Variants in BTBD9 observed in about 807,000 individuals in gnomAD.
BTBD9 encodes the protein BTB domain containing 9.
A neutral mutation model predicts 64.3 loss-of-function variants in BTBD9; 49 were observed. The ratio of observed to expected loss-of-function variants is 0.76; its 90% CI spans 0.61 to 0.97. The LOEUF (loss-of-function observed/expected upper bound fraction) is 0.97. Among genes scored for constraint, BTBD9 ranks in the 50% least tolerant of loss-of-function variants. BTBD9 has a pLI of 0.00. For missense variants in BTBD9, 598 were observed against 762.1 expected, an observed-to-expected ratio of 0.78 and a Z score of 2.53; for synonymous variants, 260 against 274.7, an observed-to-expected ratio of 0.95 and a Z score of 0.53.
intron 8 of BTBD9, among the ~76,000 whole-genome samples, chr6:38,259,215 T>A (rs911138738): frequency 6.6e-6 from 1 of 152,232 alleles, no homozygotes; most frequent in African/African-American, 2.4e-5. Flanking sequence ...AGTTTACATA[T>A]CTGGTTCACA....
At chr6:38,267,770 C>T (rs1258403932) in intron 8 of BTBD9, among the ~76,000 whole-genome samples, 1 of 152,138 alleles carries the variant, frequency 6.6e-6, no homozygotes, top group Non-Finnish European at 1.5e-5. Context: ...GAAACCCCGT[C>T]TCTACTAAAA....
intron 6 of BTBD9, among the ~76,000 whole-genome samples, chr6:38,456,709 G>C (rs754647228): frequency 1.3e-4 from 20 of 152,094 alleles, no homozygotes; most frequent in Non-Finnish European, 1.5e-4. Flanking sequence ...TGGGTTGTCT[G>C]TTTAGTTACT....
chr6:38,254,132 T>C (rs1283252575), intron 9 of BTBD9, among the ~76,000 whole-genome samples: 1 of 151,334 alleles, frequency 6.6e-6, no homozygotes, highest in Non-Finnish European at 1.5e-5. Context: ...TAAATGTGGC[T>C]GATGCTGAGG....
intron 1 of BTBD9, among the ~76,000 whole-genome samples, chr6:38,636,651 TC>T (rs1403654454): frequency 6.6e-6 from 1 of 152,164 alleles, no homozygotes; most frequent in Non-Finnish European, 1.5e-5. Context: ...CACTCTAGTC[TC>T]CCTGCCTCTC....
chr6:38,446,292 T>C lies in BTBD9; in HGVS notation c.1155-101199A>G, dbSNP rs1582443912. On this transcript the variant is annotated intron_variant, in intron 6 of 10. Transcript: ENST00000481247. ...TTCTGCCATGTAGCATAGGTAATCA[T>C]AATTAAACAACTAGTTTTTTTTTTT... Among the ~76,000 whole-genome samples, 4 of 152,032 alleles carry C rather than the reference T, an allele frequency of 2.6e-5. No homozygotes were observed. The East Asian group carries it at 5.8e-4, about 22-fold the overall frequency.
intron 1 of BTBD9, among the ~76,000 whole-genome samples, chr6:38,611,341 A>C (rs890583451): frequency 2.6e-5 from 4 of 152,200 alleles, no homozygotes; most frequent in African/African-American, 9.6e-5. Flanking sequence ...TCCTTCTTTT[A>C]TAACAAGAAT....
intron 7 of BTBD9, among the ~76,000 whole-genome samples, chr6:38,327,042 T>C (rs895871301): frequency 2.0e-5 from 3 of 152,184 alleles, no homozygotes; most frequent in Non-Finnish European, 2.9e-5. Context: ...CCAAGGACCA[T>C]TTCCTGTCAT....
At chr6:38,297,367 GA>G (rs1016194673) in intron 7 of BTBD9, among the ~76,000 whole-genome samples, 12 of 149,494 alleles carry the variant, frequency 8.0e-5, no homozygotes, top group South Asian at 2.1e-4. Flanking sequence ...CTGACTTGAA[GA>G]AAAAAAAAAT....
intron 6 of BTBD9, among the ~76,000 whole-genome samples, chr6:38,484,347 C>T (rs148821691): frequency 1.3e-5 from 2 of 152,172 alleles, no homozygotes; most frequent in Non-Finnish European, 2.9e-5. Context: ...AGCAGATGGG[C>T]AAAAGTTCTA....
Position 38,256,478 on chromosome 6 carries a change from T to C in BTBD9, c.1493A>G (p.Tyr498Cys). 1.9e-6 allele frequency: 3 copies of C among 1,614,034 alleles called. No homozygotes were observed. The highest frequency in any genetic ancestry group is 2.5e-6 in the Non-Finnish European group (3 of 1,179,886). The change falls in exon 9 of 11, where the codon TAC becomes TGC. Residue 498 changes from tyrosine to cysteine, a missense_variant. Transcript: ENST00000481247. ...LWDCDDRSYS[Y>C]YVEVSTNQQQ... ...CTGGTTGGTAGAAACCTCAACGTAGTAGCTATAGCTTCGATCATCACAATC... is the reference window on the plus strand; with the variant it reads ...CTGGTTGGTAGAAACCTCAACGTAGCAGCTATAGCTTCGATCATCACAATC...
chr6:38,408,574 G>T (rs1229341252), intron 6 of BTBD9, among the ~76,000 whole-genome samples: 1 of 152,160 alleles, frequency 6.6e-6, no homozygotes, highest in Non-Finnish European at 1.5e-5. Flanking sequence ...TACATCATGA[G>T]ATATAGTTGT....
intron 9 of BTBD9, among the ~76,000 whole-genome samples, chr6:38,239,807 C>T (rs1561913998): frequency 6.6e-6 from 1 of 152,120 alleles, no homozygotes; most frequent in South Asian, 2.1e-4. Flanking sequence ...CACTAAAAGC[C>T]AAACAGAAAC....
chr6:38,441,841 T>A (rs1478102052), intron 6 of BTBD9, among the ~76,000 whole-genome samples: 1 of 152,180 alleles, frequency 6.6e-6, no homozygotes, highest in Non-Finnish European at 1.5e-5. Flanking sequence ...ATGAAGTGGA[T>A]GTTATCAACA....
chr6:38,370,729 C>A (rs964459199), intron 6 of BTBD9, among the ~76,000 whole-genome samples: 2 of 152,200 alleles, frequency 1.3e-5, no homozygotes, highest in African/African-American at 2.4e-5. Flanking sequence ...TACAGCAGCA[C>A]AATAAATTCA....
At chr6:38,414,778 T>C (rs1432178190) in intron 6 of BTBD9, among the ~76,000 whole-genome samples, 3 of 152,200 alleles carry the variant, frequency 2.0e-5, no homozygotes, top group African/African-American at 7.2e-5. Context: ...CCTTTATGCA[T>C]GGCCCTCTCC....
At chr6:38,473,475 T>C (rs769394827) in intron 6 of BTBD9, among the ~76,000 whole-genome samples, 24 of 152,234 alleles carry the variant, frequency 1.6e-4, no homozygotes, top group Non-Finnish European at 3.2e-4. Flanking sequence ...TGCCTATTTC[T>C]GTCAGTGCTA....
rs189476789 is a variant in BTBD9 at position 38,592,052 on chromosome 6, G to A, written c.814+524C>T. 2.6e-5 allele frequency among the ~76,000 whole-genome samples: 4 copies of A among 151,976 alleles called. No individual in the cohort carries two copies. The East Asian group carries it at 5.8e-4, about 22-fold the overall frequency. On this transcript the variant is annotated intron_variant, in intron 4 of 10. Transcript: ENST00000481247. ...ATAAAAATTAGCCGAGTGTGGTGGC[G>A]GGTGGCTGTAATCCCAGCTACTCAG...
At chr6:38,529,168 G>T (rs995901973) in intron 6 of BTBD9, among the ~76,000 whole-genome samples, 2 of 152,276 alleles carry the variant, frequency 1.3e-5, no homozygotes, top group Admixed American at 6.5e-5. Flanking sequence ...TGTGGGGCTT[G>T]GGAAAGACCC....
intron 6 of BTBD9, among the ~76,000 whole-genome samples, chr6:38,547,431 A>G (rs1156365546): frequency 6.8e-6 from 1 of 146,850 alleles, no homozygotes; most frequent in Non-Finnish European, 1.5e-5. Context: ...CCCTGTCTCA[A>G]AAAAATAAGA....
Sources: allele counts gnomAD v4.1 joint callset (sites outside exome capture counted in the v4.1 genomes callset), GRCh38; gene constraint gnomAD v4.1.1; transcripts MANE v1.5; gene names NCBI Gene and HGNC (gene_info 2026-07-23, HGNC 2026-07-21).